Variants in SUCLG2 observed in about 807,000 individuals in gnomAD.
The protein encoded by SUCLG2 is succinate-CoA ligase GDP-forming subunit beta, also known as succinate--CoA ligase [GDP-forming] subunit beta, mitochondrial.
SUCLG2 carries 42 observed loss-of-function variants against 47.9 expected under a neutral mutation model. That is an observed-to-expected ratio of 0.88 (90% CI 0.69 to 1.14). SUCLG2 has a LOEUF of 1.14. Ranked by LOEUF, SUCLG2 falls within the 50% of genes most tolerant of loss-of-function variation. SUCLG2 has a pLI of 0.00. For missense variants in SUCLG2, 571 were observed against 525.9 expected, an observed-to-expected ratio of 1.09 and a Z score of -0.84; for synonymous variants, 195 against 197.3, an observed-to-expected ratio of 0.99 and a Z score of 0.10.
At chr3:67,639,843 T>A (rs1260802546) in intron 1 of SUCLG2, among the ~76,000 whole-genome samples, 1 of 152,148 alleles carries the variant, frequency 6.6e-6, no homozygotes, top group East Asian at 1.9e-4. Flanking sequence ...CAGGGAACAA[T>A]AAGAAAAGTC....
At chr3:67,499,894 G>A (rs1705450137) in intron 7 of SUCLG2, among the ~76,000 whole-genome samples, 1 of 151,942 alleles carries the variant, frequency 6.6e-6, no homozygotes, top group Admixed American at 6.6e-5. Context: ...ACCATGCCCA[G>A]GTAATTTTTT....
chr3:67,633,341 C>T (rs1575832026), intron 1 of SUCLG2, among the ~76,000 whole-genome samples: 1 of 152,222 alleles, frequency 6.6e-6, no homozygotes, highest in Non-Finnish European at 1.5e-5. Flanking sequence ...CAATGTAGTA[C>T]ACTGCAATCA....
chr3:67,449,980 A>G (rs575131255), intron 9 of SUCLG2, among the ~76,000 whole-genome samples: 1 of 152,338 alleles, frequency 6.6e-6, no homozygotes, highest in African/African-American at 2.4e-5. Context: ...AATACGAAAA[A>G]TAACATATTA....
At chr3:67,615,650 A>ACACACACACACACACACACG (rs1700614698) in intron 1 of SUCLG2, among the ~76,000 whole-genome samples, 1 of 151,454 alleles carries the variant, frequency 6.6e-6, no homozygotes, top group African/African-American at 2.4e-5. Context: ...ACACACACAC[A>ACACACACACACACACACACG]CGAGATCTGA....
intron 10 of SUCLG2, among the ~76,000 whole-genome samples, chr3:67,382,542 T>C (rs887139105): frequency 2.0e-5 from 3 of 152,220 alleles, no homozygotes; most frequent in African/African-American, 7.2e-5. Flanking sequence ...TTGAGCCAGC[T>C]GCCTCTTTTT....
At chr3:67,364,506 C>T (rs1701850183) in intron 10 of SUCLG2, among the ~76,000 whole-genome samples, 1 of 152,022 alleles carries the variant, frequency 6.6e-6, no homozygotes, top group Non-Finnish European at 1.5e-5. Flanking sequence ...CAGCACTAGG[C>T]ATTCCTTGCT....
intron 1 of SUCLG2, among the ~76,000 whole-genome samples, chr3:67,631,012 A>C (rs911238899): frequency 1.5e-4 from 23 of 152,346 alleles, no homozygotes; most frequent in Admixed American, 4.6e-4. Context: ...CCTATGAAGA[A>C]GACCAATGTC....
intron 1 of SUCLG2, among the ~76,000 whole-genome samples, chr3:67,628,405 T>C (rs1478764174): frequency 6.6e-6 from 1 of 152,218 alleles, no homozygotes; most frequent in African/African-American, 2.4e-5. Context: ...GATACACTAT[T>C]TGGGATGAGT....
intron 2 of SUCLG2, among the ~76,000 whole-genome samples, chr3:67,588,692 T>C (rs1708084126): frequency 6.6e-6 from 1 of 152,178 alleles, no homozygotes; most frequent in South Asian, 2.1e-4. Context: ...GACATGAAAC[T>C]TGATAGCTAA....
intron 9 of SUCLG2, among the ~76,000 whole-genome samples, chr3:67,414,833 C>T (rs1013808067): frequency 3.9e-5 from 6 of 152,128 alleles, no homozygotes; most frequent in Admixed American, 3.9e-4. Flanking sequence ...TTTCCCACTC[C>T]CTCAAATAAT....
In SUCLG2 at chr3:67,530,525, G is replaced by A. The variant is rs117967127; in HGVS notation, c.227-1339C>T. On this transcript the variant is annotated intron_variant, in intron 2 of 10. Coordinates refer to ENST00000307227, the MANE Select transcript of SUCLG2 (RefSeq NM_003848.4). ...TGTTACCCACAGGCAAGCAGGTAAA[G>A]GTTCAAACGGAAAGAGCTGTGGAAG... Among the ~76,000 whole-genome samples the A allele has an allele frequency of 4.4e-3, 673 of 152,288 alleles. 8 individuals carry two copies. In the East Asian group the frequency reaches 0.054, roughly 12 times the overall value.
chr3:67,583,465 CT>C (rs1323234263), intron 2 of SUCLG2, among the ~76,000 whole-genome samples: 1 of 152,184 alleles, frequency 6.6e-6, no homozygotes, highest in African/African-American at 2.4e-5. Flanking sequence ...AGCAATTTCA[CT>C]GCTGGGGATC....
At chr3:67,588,587 C>A (rs1474830076) in intron 2 of SUCLG2, among the ~76,000 whole-genome samples, 1 of 152,184 alleles carries the variant, frequency 6.6e-6, no homozygotes, top group Non-Finnish European at 1.5e-5. Context: ...AAGATGAAGA[C>A]ATTTGGCACC....
intron 2 of SUCLG2, among the ~76,000 whole-genome samples, chr3:67,581,136 T>C (rs1233609610): frequency 6.6e-6 from 1 of 152,204 alleles, no homozygotes; most frequent in Non-Finnish European, 1.5e-5. Flanking sequence ...CACACATGTA[T>C]CTCTGTGTGC....
At chr3:67,613,600 C>A (rs1225788348) in intron 1 of SUCLG2, among the ~76,000 whole-genome samples, 1 of 152,166 alleles carries the variant, frequency 6.6e-6, no homozygotes, top group South Asian at 2.1e-4. Context: ...TGGACATATA[C>A]CAAGTGACTT....
At chr3:67,467,352 G>A (rs542503885) in intron 9 of SUCLG2, among the ~76,000 whole-genome samples, 1 of 152,124 alleles carries the variant, frequency 6.6e-6, no homozygotes, top group Non-Finnish European at 1.5e-5. Flanking sequence ...ATTTTCTTAA[G>A]CTCAAAGGGT....
At chr3:67,609,824 G>C (rs9309843) in intron 1 of SUCLG2, among the ~76,000 whole-genome samples, 74,025 of 151,828 alleles carry the variant, frequency 0.49, 18,969 homozygotes, top group African/African-American at 0.64. Flanking sequence ...TTTTAAAAAT[G>C]CTGAAAGCTG....
At chr3:67,494,304 A>G (rs933247246) in intron 9 of SUCLG2, among the ~76,000 whole-genome samples, 1 of 152,200 alleles carries the variant, frequency 6.6e-6, no homozygotes, top group Non-Finnish European at 1.5e-5. Flanking sequence ...AACTCAATAT[A>G]TTAGATACTC....
At chr3:67,394,269 T>C (rs1016519332) in intron 10 of SUCLG2, among the ~76,000 whole-genome samples, 3 of 151,886 alleles carry the variant, frequency 2.0e-5, no homozygotes, top group African/African-American at 7.3e-5. Context: ...AGTTAAAAAC[T>C]TTGAAAAAAA....
Sources: gnomAD v4.1 joint callset for allele counts (sites outside exome capture counted in the v4.1 genomes callset) on GRCh38, gnomAD v4.1.1 for gene constraint, MANE v1.5 for transcripts, NCBI Gene and HGNC (gene_info 2026-07-23, HGNC 2026-07-21) for gene names.